ADGRB3: variants seen among roughly 807,000 people sequenced by gnomAD.
ADGRB3 encodes adhesion G protein-coupled receptor B3, also known as brain-specific angiogenesis inhibitor 3.
Under a neutral mutation model 193.4 loss-of-function variants are expected in ADGRB3, and 37 were observed. That is an observed-to-expected ratio of 0.19 (90% confidence interval 0.15 to 0.25). ADGRB3 has a LOEUF of 0.25. ADGRB3 is among the 10% of genes least tolerant of loss of function. ADGRB3 has a pLI of 1.00. For synonymous variants in ADGRB3, 690 were observed against 644.2 expected, an observed-to-expected ratio of 1.07 and a Z score of -1.08; for missense variants, 1,637 against 1,852.9, an observed-to-expected ratio of 0.88 and a Z score of 2.14.
rs962762089 is a variant in ADGRB3, at chr6:68,684,386, T to A, written c.757+44954T>A. On this transcript the variant is annotated intron_variant, in intron 3 of 31. Transcript: ENST00000370598. ...ATTGTTACAGTTTAAACTATACTTTTTTAAAGCTCAATTTCCATCTTTTTA... is the reference window on the plus strand; with the variant it reads ...ATTGTTACAGTTTAAACTATACTTTATTAAAGCTCAATTTCCATCTTTTTA... Among the ~76,000 whole-genome samples the A allele has an allele frequency of 2.0e-5, 3 of 152,224 alleles. No homozygotes were observed. In the East Asian group the frequency reaches 5.8e-4, roughly 29 times the overall value.
intron 3 of ADGRB3, among the ~76,000 whole-genome samples, chr6:68,661,976 A>G (rs1373435981): frequency 6.6e-6 from 1 of 151,458 alleles, no homozygotes; most frequent in South Asian, 2.1e-4. Flanking sequence ...AGGGATCATA[A>G]ATTTTTTAAA....
chr6:69,321,123 C>CTTGAAG (rs1001619230), intron 20 of ADGRB3, among the ~76,000 whole-genome samples: 1 of 151,690 alleles, frequency 6.6e-6, no homozygotes, highest in Non-Finnish European at 1.5e-5. Flanking sequence ...AGGAATTTCT[C>CTTGAAG]ACAGTCTCTA....
At chr6:69,269,282 C>T (rs1767118610) in intron 20 of ADGRB3, among the ~76,000 whole-genome samples, 2 of 151,942 alleles carry the variant, frequency 1.3e-5, no homozygotes, top group Non-Finnish European at 2.9e-5. Flanking sequence ...AGAATGAAAC[C>T]TGAATAAAGA....
intron 3 of ADGRB3, among the ~76,000 whole-genome samples, chr6:68,673,328 C>G (rs1211167339): frequency 2.0e-5 from 3 of 152,012 alleles, no homozygotes; most frequent in Non-Finnish European, 4.4e-5. Flanking sequence ...CTCATACAAA[C>G]CCTGGGAAGT....
chr6:69,354,108 TAAAC>T lies in ADGRB3; in HGVS notation c.3460-121_3460-118del, dbSNP rs1377095384. On this transcript the variant is annotated intron_variant, in intron 26 of 31. Transcript: ENST00000370598. ...AATAATAAGTTTTTTTAAAAAGAAG[TAAAC>T]AAAATCAGTATAAGATAGTAAAATC... is the stretch of plus-strand genomic sequence containing the variant. 5 of 580,260 alleles carry T rather than the reference TAAAC, an allele frequency of 8.6e-6. No homozygotes were observed. The African/African-American group carries it at 9.3e-5, about 11-fold the overall frequency. 35.9% of individuals were successfully genotyped at this position (580,260 alleles called of 1,614,324 possible). A position where few individuals can be genotyped will look rare whatever the true frequency, so the allele number is the denominator to read the frequency against.
intron 3 of ADGRB3, among the ~76,000 whole-genome samples, chr6:68,731,306 A>G (rs1406161924): frequency 6.6e-6 from 1 of 151,540 alleles, no homozygotes; most frequent in East Asian, 1.9e-4. Context: ...TTTTTTTTCC[A>G]AAAAGTATTG....
intron 26 of ADGRB3, among the ~76,000 whole-genome samples, chr6:69,348,163 A>T (rs1170364887): frequency 6.6e-6 from 1 of 152,218 alleles, no homozygotes; most frequent in Non-Finnish European, 1.5e-5. Flanking sequence ...GTATGAAATA[A>T]GATGGGTGAG....
At chr6:68,721,274 C>T (rs962959614) in intron 3 of ADGRB3, among the ~76,000 whole-genome samples, 9 of 151,762 alleles carry the variant, frequency 5.9e-5, no homozygotes, top group Admixed American at 5.3e-4. Context: ...GGCACATATA[C>T]ACCATGGAAT....
chr6:69,301,013 A>G (rs1016055652), intron 20 of ADGRB3, among the ~76,000 whole-genome samples: 2 of 151,822 alleles, frequency 1.3e-5, no homozygotes, highest in Non-Finnish European at 2.9e-5. Context: ...GAACAACATG[A>G]GTTGGAACTG....
intron 3 of ADGRB3, among the ~76,000 whole-genome samples, chr6:68,666,428 G>A (rs1768803482): frequency 1.3e-5 from 2 of 151,766 alleles, no homozygotes; most frequent in South Asian, 2.1e-4. Flanking sequence ...GAACAAATGG[G>A]TCCTTTTTCA....
intron 8 of ADGRB3, among the ~76,000 whole-genome samples, chr6:68,972,009 G>A (rs966397401): frequency 6.6e-5 from 10 of 152,196 alleles, no homozygotes; most frequent in African/African-American, 2.4e-4. Context: ...TCTCCAAAGG[G>A]TGGGGCACAG....
chr6:68,737,231 C>G (rs1049413351), intron 3 of ADGRB3, among the ~76,000 whole-genome samples: 2 of 151,990 alleles, frequency 1.3e-5, no homozygotes, highest in African/African-American at 4.8e-5. Flanking sequence ...AAATAATTGT[C>G]CCTCTGCCAG....
intron 3 of ADGRB3, among the ~76,000 whole-genome samples, chr6:68,664,275 T>TATTTAGGATAAATATA (rs1310587092): frequency 6.6e-6 from 1 of 151,818 alleles, no homozygotes; most frequent in Non-Finnish European, 1.5e-5. Flanking sequence ...TTTGATATTA[T>TATTTAGGATAAATATA]ATTTAGGATA....
chr6:69,387,906 A>T (rs1562006544), intron 31 of ADGRB3, among the ~76,000 whole-genome samples: 1 of 152,122 alleles, frequency 6.6e-6, no homozygotes, highest in Non-Finnish European at 1.5e-5. Context: ...TAAACATGAC[A>T]TTCTATAATG....
intron 3 of ADGRB3, among the ~76,000 whole-genome samples, chr6:68,879,445 G>T (rs1765677594): frequency 6.6e-6 from 1 of 151,798 alleles, no homozygotes; most frequent in South Asian, 2.1e-4. Context: ...AGCCAGGATG[G>T]TTTCGATCTC....
At chr6:68,929,493 C>A (rs1767276631) in intron 3 of ADGRB3, among the ~76,000 whole-genome samples, 1 of 152,180 alleles carries the variant, frequency 6.6e-6, no homozygotes, top group Non-Finnish European at 1.5e-5. Flanking sequence ...ATTACACTAT[C>A]TGCAGTGTCA....
chr6:69,357,848 G>A (rs781579130), intron 28 of ADGRB3, among the ~76,000 whole-genome samples: 1 of 151,824 alleles, frequency 6.6e-6, no homozygotes, highest in African/African-American at 2.4e-5. Flanking sequence ...CTAGTGCTTG[G>A]TTTCCAGAAT....
intron 20 of ADGRB3, among the ~76,000 whole-genome samples, chr6:69,265,053 A>G (rs1767010481): frequency 6.6e-6 from 1 of 151,938 alleles, no homozygotes; most frequent in Non-Finnish European, 1.5e-5. Context: ...CTAGATAATA[A>G]CCTTTAGATA....
rs764416820 is a variant in ADGRB3 at position 68,956,068 on chromosome 6, G to A, written c.1240G>A (p.Val414Ile). 6.2e-7 allele frequency: 1 copy of A among 1,613,996 alleles called. No individual in the cohort carries two copies. The highest frequency in any genetic ancestry group is 1.1e-5 in the South Asian group (1 of 91,084). ...GTGGAGTTCGTGGAGCCAGTGCTCAGTAACGTGCTCGAATGGGACTCAGCA... is the reference window on the plus strand; with the variant it reads ...GTGGAGTTCGTGGAGCCAGTGCTCAATAACGTGCTCGAATGGGACTCAGCA... ...QEWSSWSQCSVTCSNGTQQRS... is the reference protein window; with the variant it reads ...QEWSSWSQCSITCSNGTQQRS... The change falls in exon 7 of 32, where the codon GTA (valine) becomes ATA (isoleucine). Residue 414 changes from valine to isoleucine, a missense_variant. By Grantham distance (29) the Val-to-Ile change is conservative (BLOSUM62 3). Coordinates refer to ENST00000370598, the MANE Select transcript of ADGRB3 (RefSeq NM_001704.3).
Sources: allele counts gnomAD v4.1 joint callset (sites outside exome capture counted in the v4.1 genomes callset), GRCh38; gene constraint gnomAD v4.1.1; transcripts MANE v1.5; gene names NCBI Gene and HGNC (gene_info 2026-07-23, HGNC 2026-07-21).